SLC6A2: variants seen among roughly 807,000 people sequenced by gnomAD.
The protein encoded by SLC6A2 is solute carrier family 6 member 2.
A neutral mutation model predicts 71.7 loss-of-function variants in SLC6A2; 26 were observed. The observed-to-expected ratio is 0.36, with a 90% CI of 0.27 to 0.50. The LOEUF (loss-of-function observed/expected upper bound fraction) is 0.50. Among genes scored for constraint, SLC6A2 ranks in the 20% least tolerant of loss-of-function variants. The pLI, the probability that SLC6A2 is intolerant of heterozygous loss-of-function variation, is 0.96. For missense variants in SLC6A2, 581 were observed against 803.9 expected, an observed-to-expected ratio of 0.72 and a Z score of 3.35; for synonymous variants, 363 against 337.9, an observed-to-expected ratio of 1.07 and a Z score of -0.82.
intron 14 of SLC6A2, 66 bp from the exon 15 acceptor site, chr16:55,702,256 CG>C: frequency 1.3e-6 from 2 of 1,512,178 alleles, no homozygotes; most frequent in Non-Finnish European, 1.8e-6. Flanking sequence ...CTGCTGCCCC[CG>C]CCAGCTGGCC....
At chr16:55,670,264 G>A (rs2142510260) in intron 3 of SLC6A2, among the ~76,000 whole-genome samples, 1 of 152,294 alleles carries the variant, frequency 6.6e-6, no homozygotes, top group Admixed American at 6.5e-5. Flanking sequence ...AGCACTGGTT[G>A]GAGAACTGGG....
intron 2 of SLC6A2, among the ~76,000 whole-genome samples, chr16:55,663,328 G>A (rs772105412): frequency 2.6e-5 from 4 of 152,114 alleles, no homozygotes; most frequent in Non-Finnish European, 4.4e-5. Flanking sequence ...AATGTCCTTT[G>A]GAGAGGGTAA....
rs1965320103 is a variant in SLC6A2, at chr16:55,682,877, A to T, written c.645-2266A>T. Among the ~76,000 whole-genome samples, 4 of 152,240 alleles carry T rather than the reference A, an allele frequency of 2.6e-5. No individual in the cohort carries two copies. In the South Asian group the frequency reaches 8.3e-4, roughly 32 times the overall value. ...CTGCAGCTCCCTTGAACCTCCCAAC[A>T]TGTGTCATGCTTTATTGTGAATTTG... On this transcript the variant is annotated intron_variant, in intron 4 of 14. Transcript: ENST00000568943.
chr16:55,686,352 C>T (rs894303512), intron 5 of SLC6A2, among the ~76,000 whole-genome samples: 8 of 152,138 alleles, frequency 5.3e-5, no homozygotes, highest in African/African-American at 1.9e-4. Context: ...CACAGCATGG[C>T]GGCTGAGTTC....
intron 4 of SLC6A2, among the ~76,000 whole-genome samples, chr16:55,681,095 A>T (rs987227350): frequency 6.6e-5 from 10 of 151,992 alleles, no homozygotes; most frequent in Admixed American, 1.3e-4. Context: ...GACCCCCTCT[A>T]CTGAGTTTTC....
At chr16:55,664,753 C>T (rs894594691) in intron 2 of SLC6A2, among the ~76,000 whole-genome samples, 2 of 152,200 alleles carry the variant, frequency 1.3e-5, no homozygotes, top group South Asian at 2.1e-4. Context: ...CATAGCTACA[C>T]ATAGCAGGGC....
rs1482134403 is a variant in SLC6A2 at position 55,702,752 on chromosome 16, AAAAAAAAAACT to A, written c.*411_*421del. On this transcript the variant is annotated 3_prime_UTR_variant, in exon 15 of 15. Transcript: ENST00000568943. ...TTTTGATCAGATACCCCTCCCAAAA[AAAAAAAAAACT>A]AAAACTAAAGCAAAAATCAAACAAA... 1.9e-6 allele frequency: 2 copies of A among 1,050,738 alleles called. No homozygotes were observed. The highest frequency in any genetic ancestry group is 8.0e-5 in the East Asian group (1 of 12,520). 65.1% of individuals were successfully genotyped at this position (1,050,738 alleles called of 1,614,324 possible).
At chr16:55,701,973 G>A (rs370909187) in intron 14 of SLC6A2, 39 bp downstream of exon 14, 14 of 1,486,900 alleles carry the variant, frequency 9.4e-6, no homozygotes, top group South Asian at 2.3e-5. Context: ...AGATTACAAG[G>A]GCGGGCCCTG....
chr16:55,656,070 C>T lies in SLC6A2; in HGVS notation c.-151C>T, dbSNP rs969968124. On this transcript the variant is annotated 5_prime_UTR_variant, in exon 1 of 15. Transcript: ENST00000568943. The surrounding 1 kb of genome is among the most constrained non-coding windows in gnomAD (Gnocchi z 4.5). Reference sequence around the variant, plus strand: ...CCGGCCCCGCCCGAACGCCACACGGCGGAGCCCAGCCCCAGCCCGCGCCCT... The same window carrying T: ...CCGGCCCCGCCCGAACGCCACACGGTGGAGCCCAGCCCCAGCCCGCGCCCT... 1.3e-5 allele frequency: 2 copies of T among 152,532 alleles called. No individual in the cohort carries two copies. The highest frequency in any genetic ancestry group is 2.9e-5 in the Non-Finnish European group (2 of 68,416). The allele number at this position is 152,532 out of a possible 1,614,324, so 9.4% of individuals were successfully genotyped here.
intron 2 of SLC6A2, among the ~76,000 whole-genome samples, chr16:55,660,154 GA>G (rs1333114217): frequency 6.6e-6 from 1 of 152,142 alleles, no homozygotes; most frequent in African/African-American, 2.4e-5. Context: ...CAAGCGGTGA[GA>G]AGGGAGGAGA....
rs571288358 is a variant in SLC6A2, at chr16:55,675,578, A to G, written c.644+3403A>G. Among the ~76,000 whole-genome samples the G allele has an allele frequency of 5.8e-4, 89 of 152,316 alleles. 1 individual carries two copies. Among genetic ancestry groups the G allele is most frequent in the Middle Eastern group, 3.4e-3 (1 of 294 alleles). On this transcript the variant is annotated intron_variant, in intron 4 of 14. Coordinates refer to ENST00000568943, the MANE Select transcript of SLC6A2 (RefSeq NM_001172501.3). ...TCCTGGCCTAGTGCAAGATTTCCCAATAAAACTTCCCGCCATGATAGAAAT... is the reference window on the plus strand; with the variant it reads ...TCCTGGCCTAGTGCAAGATTTCCCAGTAAAACTTCCCGCCATGATAGAAAT...
Position 55,704,972 on chromosome 16 carries a change from A to G in SLC6A2, c.*2626A>G, listed in dbSNP as rs534834931. ...ACCTTTCCACCCACATTTAATGGAG[A>G]GAGAGTATGGGCTTTATGTTAAGTC... On this transcript the variant is annotated 3_prime_UTR_variant, in exon 15 of 15. Coordinates refer to ENST00000568943, the MANE Select transcript of SLC6A2 (RefSeq NM_001172501.3). The G allele has an allele frequency of 1.8e-4, 66 of 370,452 alleles. No homozygotes were observed. The highest frequency in any genetic ancestry group is 1.2e-3 in the African/African-American group (60 of 48,062). The allele number at this position is 370,452 out of a possible 1,614,324, so 22.9% of individuals were successfully genotyped here.
At chr16:55,680,089 C>T (rs776507688) in intron 4 of SLC6A2, among the ~76,000 whole-genome samples, 1 of 152,180 alleles carries the variant, frequency 6.6e-6, no homozygotes, top group Non-Finnish European at 1.5e-5. Flanking sequence ...GCAAAGTTGC[C>T]TCCAGTGAGA....
intron 7 of SLC6A2, among the ~76,000 whole-genome samples, chr16:55,694,987 G>A (rs1050289189): frequency 5.3e-5 from 8 of 152,238 alleles, no homozygotes; most frequent in Non-Finnish European, 1.2e-4. Context: ...GACAGGATGA[G>A]GAGTTGGGAG....
At position 55,656,856 on chromosome 16, in the gene SLC6A2, G is replaced by T. The variant is rs756462195; in HGVS notation, c.162G>T (p.Gln54His). The change falls in exon 2 of 15, where the codon CAG becomes CAT. Residue 54 changes from glutamine to histidine, a missense_variant. By Grantham distance (24) the Gln-to-His change is conservative. Coordinates refer to ENST00000568943, the MANE Select transcript of SLC6A2 (RefSeq NM_001172501.3). This position sits in a 1 kb window ranked among gnomAD's most constrained non-coding sequence, Gnocchi z 4.5. ...TGGCGCCCCGCGACGGCGACGCGCAGCCCCGGGAGACCTGGGGCAAGAAGA... is the reference window on the plus strand; with the variant it reads ...TGGCGCCCCGCGACGGCGACGCGCATCCCCGGGAGACCTGGGGCAAGAAGA... ...CLLAPRDGDA[Q>H]PRETWGKKID... 1 of 1,613,756 alleles carries T rather than the reference G, an allele frequency of 6.2e-7. No homozygotes were observed. Among genetic ancestry groups the T allele is most frequent in the Admixed American group, 1.7e-5 (1 of 60,010 alleles).
At chr16:55,692,648 A>G (rs1965671379) in intron 6 of SLC6A2, among the ~76,000 whole-genome samples, 1 of 152,200 alleles carries the variant, frequency 6.6e-6, no homozygotes. Flanking sequence ...TACCTTGAGC[A>G]TCTTCAGATA....
intron 5 of SLC6A2, among the ~76,000 whole-genome samples, chr16:55,686,294 G>A (rs1965450160): frequency 6.6e-6 from 1 of 152,180 alleles, no homozygotes; most frequent in Admixed American, 6.5e-5. Flanking sequence ...GCCAACCAGA[G>A]CATCTTGGGA....
intron 4 of SLC6A2, among the ~76,000 whole-genome samples, chr16:55,678,663 T>C (rs1338814267): frequency 1.3e-5 from 2 of 152,206 alleles, no homozygotes; most frequent in Non-Finnish European, 2.9e-5. Flanking sequence ...TTCCACCCCA[T>C]GCCGGTCCCT....
chr16:55,684,313 A>AC (rs1369237559), intron 4 of SLC6A2, among the ~76,000 whole-genome samples: 13 of 151,282 alleles, frequency 8.6e-5, no homozygotes, highest in African/African-American at 2.7e-4. Context: ...AAAAAAAAAA[A>AC]AAAACAACAA....
Sources: allele counts gnomAD v4.1 joint callset (sites outside exome capture counted in the v4.1 genomes callset), GRCh38; gene constraint gnomAD v4.1.1; non-coding constraint Gnocchi (gnomAD v3.1); transcripts MANE v1.5; gene names NCBI Gene and HGNC (gene_info 2026-07-23, HGNC 2026-07-21).